OPCML: variants seen among roughly 807,000 people sequenced by gnomAD.
OPCML encodes opioid binding protein/cell adhesion molecule like.
OPCML carries 13 observed loss-of-function variants against 37.8 expected under a neutral mutation model. The observed-to-expected ratio is 0.34, with a 90% CI of 0.22 to 0.55. OPCML has a LOEUF of 0.55. OPCML is among the 20% of genes least tolerant of loss of function. The pLI is 0.91. For missense variants in OPCML, 341 were observed against 435.6 expected (o/e 0.78, Z 1.93); for synonymous variants, 176 against 168.8 (o/e 1.04, Z -0.33).
intron 1 of OPCML, among the ~76,000 whole-genome samples, chr11:132,999,642 G>T: frequency 6.6e-6 from 1 of 152,062 alleles, no homozygotes; most frequent in South Asian, 2.1e-4. Context: ...GTAGCTCTGC[G>T]TGCTGCCACG....
rs570771521 is a variant in OPCML, at chr11:132,470,896, C to G, written c.506-33537G>C. ...AGGATTATTTATTAAAAAGTAGAGA[C>G]AGAAGAAAAGGCGTTCTAGGACCTG... On this transcript the variant is annotated intron_variant, in intron 4 of 7. Transcript: ENST00000524381. Among the ~76,000 whole-genome samples the G allele has an allele frequency of 2.0e-5, 3 of 152,166 alleles. No homozygotes were observed. The East Asian group carries it at 5.8e-4, about 29-fold the overall frequency.
chr11:133,286,434 CA>C (rs1218287941), intron 1 of OPCML, among the ~76,000 whole-genome samples: 2 of 122,106 alleles, frequency 1.6e-5, no homozygotes, highest in African/African-American at 7.5e-5. Context: ...CGCGCCACTG[CA>C]CTCCAGCCTG....
intron 1 of OPCML, chr11:133,006,027 C>G: frequency 1.0e-6 from 1 of 985,282 alleles, no homozygotes; most frequent in South Asian, 4.7e-5. Flanking sequence ...CGGAGTGTGG[C>G]CTTCGTAGGG....
At chr11:133,074,651 CTA>C (rs1244024190) in intron 1 of OPCML, among the ~76,000 whole-genome samples, 1 of 152,138 alleles carries the variant, frequency 6.6e-6, no homozygotes, top group African/African-American at 2.4e-5. Flanking sequence ...CCCCAGGATC[CTA>C]TGTGAAGCTT....
chr11:133,091,046 C>A (rs914077568), intron 1 of OPCML, among the ~76,000 whole-genome samples: 1 of 152,184 alleles, frequency 6.6e-6, no homozygotes, highest in Non-Finnish European at 1.5e-5. Flanking sequence ...GGACCTCAAA[C>A]CTGAAGACCC....
At chr11:132,639,554 G>C (rs1311151206) in intron 3 of OPCML, among the ~76,000 whole-genome samples, 1 of 152,198 alleles carries the variant, frequency 6.6e-6, no homozygotes, top group Non-Finnish European at 1.5e-5. Flanking sequence ...TAAAGTTCCT[G>C]AATCCGAACA....
intron 1 of OPCML, among the ~76,000 whole-genome samples, chr11:133,434,714 T>C (rs1386922302): frequency 6.6e-6 from 1 of 150,746 alleles, no homozygotes; most frequent in African/African-American, 2.4e-5. Flanking sequence ...AATTGGCTTC[T>C]ACTGTTGGTA....
At chr11:132,802,264 C>G (rs1006490728) in intron 2 of OPCML, among the ~76,000 whole-genome samples, 2 of 152,190 alleles carry the variant, frequency 1.3e-5, no homozygotes, top group African/African-American at 2.4e-5. Flanking sequence ...CTGAAGTGAG[C>G]TTTACTTAAG....
chr11:133,334,024 A>G (rs1277475609), intron 1 of OPCML, among the ~76,000 whole-genome samples: 1 of 152,204 alleles, frequency 6.6e-6, no homozygotes, highest in Non-Finnish European at 1.5e-5. Context: ...AGAAAAGGGA[A>G]CCCTTACACA....
intron 4 of OPCML, among the ~76,000 whole-genome samples, chr11:132,511,819 T>C (rs1439270949): frequency 6.6e-6 from 1 of 151,554 alleles, no homozygotes; most frequent in Non-Finnish European, 1.5e-5. Flanking sequence ...ACATAGAATA[T>C]AACGTTTTTA....
intron 3 of OPCML, among the ~76,000 whole-genome samples, chr11:132,579,626 C>G (rs774981645): frequency 6.6e-6 from 1 of 152,070 alleles, no homozygotes; most frequent in Admixed American, 6.5e-5. Flanking sequence ...CCAAAAGTTC[C>G]CAGGACCTGA....
chr11:132,470,408 G>A (rs2096134292), intron 4 of OPCML, among the ~76,000 whole-genome samples: 1 of 152,180 alleles, frequency 6.6e-6, no homozygotes, highest in African/African-American at 2.4e-5. Context: ...GGATAGCCGT[G>A]TCAGTCACTG....
chr11:132,921,864 T>C (rs538195551), intron 2 of OPCML, among the ~76,000 whole-genome samples: 172 of 152,230 alleles, frequency 1.1e-3, no homozygotes, highest in Non-Finnish European at 1.9e-3. Flanking sequence ...AGGCCCTCCA[T>C]TGAGTGAGAC....
chr11:132,953,454 G>A (rs1945907068), intron 1 of OPCML, among the ~76,000 whole-genome samples: 1 of 152,156 alleles, frequency 6.6e-6, no homozygotes, highest in South Asian at 2.1e-4. Context: ...TAGAAAGGCT[G>A]GAGACCCCTA....
chr11:132,608,578 G>T (rs574625421), intron 3 of OPCML, among the ~76,000 whole-genome samples: 5 of 152,266 alleles, frequency 3.3e-5, no homozygotes, highest in African/African-American at 1.2e-4. Context: ...GGGCAATCTA[G>T]CTTGGCATCT....
chr11:132,528,810 T>C (rs192378606), intron 4 of OPCML, among the ~76,000 whole-genome samples: 1 of 152,220 alleles, frequency 6.6e-6, no homozygotes, highest in African/African-American at 2.4e-5. Flanking sequence ...TATTCTTATG[T>C]CCTTTGTTCT....
chr11:132,614,811 C>A (rs1591627337), intron 3 of OPCML, among the ~76,000 whole-genome samples: 1 of 152,110 alleles, frequency 6.6e-6, no homozygotes, highest in Non-Finnish European at 1.5e-5. Context: ...CATATAGAAA[C>A]AATTTGTGTA....
chr11:132,638,186 T>TATATATATATAGAGAGAGAGAG (rs71067383), intron 3 of OPCML, among the ~76,000 whole-genome samples: 1 of 131,020 alleles, frequency 7.6e-6, no homozygotes, highest in African/African-American at 2.8e-5. Context: ...TATATATATA[T>TATATATATATAGAGAGAGAGAG]ACAGAGAGAG....
chr11:133,174,043 A>G lies in OPCML; in HGVS notation c.62-231033T>C, dbSNP rs1950330131. On this transcript the variant is annotated intron_variant, in intron 1 of 7. Transcript: ENST00000524381. This position sits in a 1 kb window ranked among gnomAD's most constrained non-coding sequence, Gnocchi z 4.6. Reference sequence around the variant, plus strand: ...GGAGAAACGGCCTGGCAGGCCCTGCACTGCGGCCATAAATCAGGAACTAAT... The same window carrying G: ...GGAGAAACGGCCTGGCAGGCCCTGCGCTGCGGCCATAAATCAGGAACTAAT... Among the ~76,000 whole-genome samples, 1 of 152,240 alleles carries G rather than the reference A, an allele frequency of 6.6e-6. No individual in the cohort carries two copies. The highest frequency in any genetic ancestry group is 2.1e-4 in the South Asian group (1 of 4,832).
Sources: gnomAD v4.1 joint callset for allele counts (sites outside exome capture counted in the v4.1 genomes callset) on GRCh38, gnomAD v4.1.1 for gene constraint, Gnocchi (gnomAD v3.1) non-coding constraint, MANE v1.5 for transcripts, NCBI Gene and HGNC (gene_info 2026-07-23, HGNC 2026-07-21) for gene names.